ITPKB: variants seen among roughly 807,000 people sequenced by gnomAD.
The protein encoded by ITPKB is inositol-trisphosphate 3-kinase B.
In ITPKB, 13 loss-of-function variants were observed where a neutral mutation model predicts 69.4. That is an observed-to-expected ratio of 0.19 (90% CI 0.12 to 0.30). The LOEUF (loss-of-function observed/expected upper bound fraction) is 0.30, where lower values mean the gene tolerates loss of function less well. ITPKB is among the 10% of genes least tolerant of loss of function. The pLI is 1.00. For synonymous variants in ITPKB, 584 were observed against 513.7 expected, an observed-to-expected ratio of 1.14 and a Z score of -1.85; for missense variants, 1,240 against 1,250.5, an observed-to-expected ratio of 0.99 and a Z score of 0.13.
chr1:226,687,257 C>G (rs539349472), intron 2 of ITPKB, among the ~76,000 whole-genome samples: 1 of 152,308 alleles, frequency 6.6e-6, no homozygotes, highest in South Asian at 2.1e-4. Flanking sequence ...AATATTTCCA[C>G]CATGAGATAT....
At chr1:226,652,888 G>A (rs1205115525) in intron 2 of ITPKB, among the ~76,000 whole-genome samples, 2 of 152,238 alleles carry the variant, frequency 1.3e-5, no homozygotes, top group Non-Finnish European at 2.9e-5. Context: ...CTCACACACA[G>A]ATGTGGGGTC....
chr1:226,685,952 G>A (rs951727699), intron 2 of ITPKB, among the ~76,000 whole-genome samples: 1 of 152,164 alleles, frequency 6.6e-6, no homozygotes, highest in Non-Finnish European at 1.5e-5. Context: ...CTGAGGATGG[G>A]GGAGGAAACG....
At chr1:226,691,543 C>G (rs1249489160) in intron 2 of ITPKB, among the ~76,000 whole-genome samples, 1 of 152,180 alleles carries the variant, frequency 6.6e-6, no homozygotes, top group East Asian at 1.9e-4. Context: ...GCAGCCGCAT[C>G]CCCTCCCCTG....
chr1:226,730,370 A>G (rs1047411536), intron 2 of ITPKB, among the ~76,000 whole-genome samples: 2 of 152,216 alleles, frequency 1.3e-5, no homozygotes, highest in African/African-American at 2.4e-5. Flanking sequence ...AAATTACCAA[A>G]GAGTTCATAG....
chr1:226,715,303 G>T (rs1329268935), intron 2 of ITPKB, among the ~76,000 whole-genome samples: 1 of 152,224 alleles, frequency 6.6e-6, no homozygotes, highest in Non-Finnish European at 1.5e-5. Flanking sequence ...CTAGTTAGTC[G>T]CAGGTAGTAG....
chr1:226,691,929 G>A (rs1656363667), intron 2 of ITPKB, among the ~76,000 whole-genome samples: 1 of 152,174 alleles, frequency 6.6e-6, no homozygotes, highest in South Asian at 2.1e-4. Flanking sequence ...GGCCCACCTG[G>A]AGTCTGTAGC....
chr1:226,676,767 G>C (rs1669742332), intron 2 of ITPKB, among the ~76,000 whole-genome samples: 1 of 152,238 alleles, frequency 6.6e-6, no homozygotes, highest in Non-Finnish European at 1.5e-5. Flanking sequence ...CTGCCTGGAG[G>C]AATTCTGAAA....
chr1:226,641,076 T>C lies in ITPKB; in HGVS notation c.2451+845A>G, dbSNP rs1204051749. On this transcript the variant is annotated intron_variant, in intron 5 of 7. Coordinates refer to ENST00000429204, the MANE Select transcript of ITPKB (RefSeq NM_002221.4). The surrounding 1 kb of genome is among the most constrained non-coding windows in gnomAD (Gnocchi z 4.6). The stretch of plus-strand genomic sequence containing the variant: ...TCAAGAGGGACAGCTTCTGAGACCC[T>C]GAGGGGCCGGCGCCCCAAAGCCCGG... 1.3e-5 allele frequency among the ~76,000 whole-genome samples: 2 copies of C among 152,160 alleles called. No individual in the cohort carries two copies. Among genetic ancestry groups the C allele is most frequent in the Non-Finnish European group, 2.9e-5 (2 of 68,028 alleles).
chr1:226,713,756 C>G (rs1657030674), intron 2 of ITPKB, among the ~76,000 whole-genome samples: 1 of 152,138 alleles, frequency 6.6e-6, no homozygotes, highest in African/African-American at 2.4e-5. Flanking sequence ...GTTCTTTTTA[C>G]TACAGTGACA....
intron 2 of ITPKB, among the ~76,000 whole-genome samples, chr1:226,672,222 C>T (rs995727417): frequency 7.9e-5 from 12 of 152,132 alleles, no homozygotes; most frequent in African/African-American, 2.2e-4. Context: ...AATGTGACAG[C>T]GTGTGACAGC....
chr1:226,688,847 A>G (rs1409612223), intron 2 of ITPKB, among the ~76,000 whole-genome samples: 1 of 152,168 alleles, frequency 6.6e-6, no homozygotes. Flanking sequence ...GAATTGGGAG[A>G]AGGGTCCAGA....
chr1:226,680,601 A>G (rs1378658429), intron 2 of ITPKB, among the ~76,000 whole-genome samples: 1 of 152,178 alleles, frequency 6.6e-6, no homozygotes, highest in Non-Finnish European at 1.5e-5. Context: ...AGAAGGAAAG[A>G]AAAGGGGGCC....
At position 226,658,794 on chromosome 1, in the gene ITPKB, G is replaced by A. The variant is rs185585593; in HGVS notation, c.1933-10023C>T. Among the ~76,000 whole-genome samples, 596 of 152,256 alleles carry A rather than the reference G, an allele frequency of 3.9e-3. 5 individuals are homozygous for A. Among genetic ancestry groups the A allele is most frequent in the African/African-American group, 0.014 (569 of 41,550 alleles). ...GGGATTACTGAGCGCTGTCGGGTTGGTGAAGTCCCTCCTTCAGAAGCAACT... is the reference window on the plus strand; with the variant it reads ...GGGATTACTGAGCGCTGTCGGGTTGATGAAGTCCCTCCTTCAGAAGCAACT... On this transcript the variant is annotated intron_variant, in intron 2 of 7. Transcript: ENST00000429204.
In ITPKB at chr1:226,734,795, A is replaced by G. The variant is rs547816335; in HGVS notation, c.1932+732T>C. On this transcript the variant is annotated intron_variant, in intron 2 of 7. Transcript: ENST00000429204. ...ATACCTGAAATGTCAACCTGTACCA[A>G]CTGACATGTACATCCATTAGGAGGT... 2.6e-5 allele frequency among the ~76,000 whole-genome samples: 4 copies of G among 152,356 alleles called. No homozygotes were observed. In the South Asian group the frequency reaches 8.3e-4, roughly 32 times the overall value.
chr1:226,634,823 C>T lies in ITPKB; in HGVS notation c.2689G>A (p.Asp897Asn), dbSNP rs900260287. The T allele has an allele frequency of 1.9e-6, 3 of 1,613,644 alleles. No individual in the cohort carries two copies. The highest frequency in any genetic ancestry group is 2.5e-6 in the Non-Finnish European group (3 of 1,179,560). ...KKEQAKVWMI[D>N]FGKTTPLPEG... ...GGCAGGGGCGTGGTTTTCCCAAAGT[C>T]GATCATCCACACTTTGGCCTGTTCC... The change falls in exon 8 of 8, where the codon GAC becomes AAC. Residue 897 changes from aspartate (D) to asparagine (N), a missense_variant. Physicochemically the swap from Asp to Asn is conservative, Grantham distance 23. This residue lies in a region of ITPKB where 248 missense variants were observed against 396.7 expected (regional missense o/e 0.63). Coordinates refer to ENST00000429204, the MANE Select transcript of ITPKB (RefSeq NM_002221.4). The surrounding 1 kb of genome is among the most constrained non-coding windows in gnomAD (Gnocchi z 6.3).
Position 226,735,824 on chromosome 1 carries a change from C to A in ITPKB, c.1635G>T (p.Pro545=), listed in dbSNP as rs371000081. The part of the protein sequence containing the change: ...QRQDSDALPS[P]ELLPQDPDKP... ...TGTCCGGATCTTGGGGTAGCAGCTCCGGACTTGGGAGGGCATCACTGTCCT... is the reference window on the plus strand; with the variant it reads ...TGTCCGGATCTTGGGGTAGCAGCTCAGGACTTGGGAGGGCATCACTGTCCT... Residue 545 remains proline, a synonymous_variant, in exon 2 of 8, where the codon CCG becomes CCT. Coordinates refer to ENST00000429204, the MANE Select transcript of ITPKB (RefSeq NM_002221.4). The A allele has an allele frequency of 6.2e-7, 1 of 1,608,570 alleles. No homozygotes were observed. The highest frequency in any genetic ancestry group is 8.5e-7 in the Non-Finnish European group (1 of 1,175,694).
At chr1:226,688,234 G>C (rs567702763) in intron 2 of ITPKB, among the ~76,000 whole-genome samples, 2 of 152,208 alleles carry the variant, frequency 1.3e-5, no homozygotes, top group South Asian at 4.1e-4. Context: ...CCAGAAAAGA[G>C]CATAGCCTTT....
At position 226,712,761 on chromosome 1, in the gene ITPKB, G is replaced by A. The variant is rs184124586; in HGVS notation, c.1932+22766C>T. ...ACCCAGAAGGGCAATATTGCTCTCC[G>A]AAGGAGAAAAGAACAATACAGATTG... is the stretch of plus-strand genomic sequence containing the variant. On this transcript the variant is annotated intron_variant, in intron 2 of 7. Transcript: ENST00000429204. Among the ~76,000 whole-genome samples, 52 of 152,294 alleles carry A rather than the reference G, an allele frequency of 3.4e-4. 1 individual carries two copies. In the East Asian group the frequency reaches 8.5e-3, roughly 25 times the overall value.
chr1:226,732,412 A>G lies in ITPKB; in HGVS notation c.1932+3115T>C, dbSNP rs540835172. Among the ~76,000 whole-genome samples the G allele has an allele frequency of 7.2e-5, 11 of 152,008 alleles. No individual in the cohort carries two copies. In the South Asian group the frequency reaches 2.3e-3, roughly 32 times the overall value. The stretch of plus-strand genomic sequence containing the variant: ...CGCGACCACGCCAGCTAATTTTTGT[A>G]TTTTTAGTAGAGACGGGGTTTCACC... On this transcript the variant is annotated intron_variant, in intron 2 of 7. Transcript: ENST00000429204.
Sources: gnomAD v4.1 joint callset for allele counts (sites outside exome capture counted in the v4.1 genomes callset) on GRCh38, gnomAD v4.1.1 for gene constraint, gnomAD v4.1.1 regional missense constraint, Gnocchi (gnomAD v3.1) non-coding constraint, MANE v1.5 for transcripts, NCBI Gene and HGNC (gene_info 2026-07-23, HGNC 2026-07-21) for gene names.